The following CDC42BPA variants were observed in gnomAD, a reference collection of about 807,000 sequenced individuals.
The protein encoded by CDC42BPA is serine/threonine-protein kinase MRCK alpha.
CDC42BPA carries 80 observed loss-of-function variants against 223.5 expected under a neutral mutation model. The ratio of observed to expected loss-of-function variants is 0.36; its 90% CI spans 0.30 to 0.43. The LOEUF is 0.43. Ranked by LOEUF, CDC42BPA falls within the 20% of genes least tolerant of loss-of-function variation. The pLI, the probability that CDC42BPA is intolerant of heterozygous loss-of-function variation, is 1.00. For missense variants in CDC42BPA, 1,743 were observed against 2,099.9 expected, an observed-to-expected ratio of 0.83 and a Z score of 3.32; for synonymous variants, 694 against 718.6, an observed-to-expected ratio of 0.97 and a Z score of 0.55.
At chr1:227,007,019 G>T (rs78862335) in intron 34 of CDC42BPA, among the ~76,000 whole-genome samples, 21,518 of 151,992 alleles carry the variant, frequency 0.14, 1,949 homozygotes, top group South Asian at 0.36. Context: ...TTGGTGGTGG[G>T]GGGATCACAA....
intron 34 of CDC42BPA, among the ~76,000 whole-genome samples, chr1:227,011,263 ATTC>A (rs1371084839): frequency 6.6e-6 from 1 of 152,224 alleles, no homozygotes; most frequent in African/African-American, 2.4e-5. Flanking sequence ...GCAAAAGATC[ATTC>A]TTTTTTATAA....
At chr1:227,155,109 C>T (rs994359819) in intron 6 of CDC42BPA, among the ~76,000 whole-genome samples, 1 of 152,094 alleles carries the variant, frequency 6.6e-6, no homozygotes, top group Non-Finnish European at 1.5e-5. Flanking sequence ...TTTGAGGCAG[C>T]TGTCCAGATA....
intron 1 of CDC42BPA, among the ~76,000 whole-genome samples, chr1:227,290,383 C>A (rs1470710527): frequency 1.3e-5 from 2 of 152,170 alleles, no homozygotes; most frequent in Non-Finnish European, 2.9e-5. Context: ...AGGGAAGGAA[C>A]CACATGTTGT....
At chr1:227,152,939 T>C (rs9887962) in intron 6 of CDC42BPA, among the ~76,000 whole-genome samples, 31,217 of 151,938 alleles carry the variant, frequency 0.21, 3,302 homozygotes, top group East Asian at 0.26. Context: ...CAATTAAATA[T>C]ATCCTCATGC....
chr1:227,267,105 C>T (rs1685132009), intron 1 of CDC42BPA, among the ~76,000 whole-genome samples: 1 of 152,106 alleles, frequency 6.6e-6, no homozygotes, highest in Non-Finnish European at 1.5e-5. Context: ...TCTAACATAT[C>T]ACAAAAAGTT....
At chr1:227,021,782 G>A (rs1296997009) in intron 32 of CDC42BPA, among the ~76,000 whole-genome samples, 1 of 152,066 alleles carries the variant, frequency 6.6e-6, no homozygotes, top group African/African-American at 2.4e-5. Flanking sequence ...CACTTTGAGA[G>A]GCCAAGGTGG....
At chr1:227,248,273 G>T (rs1480179507) in intron 2 of CDC42BPA, among the ~76,000 whole-genome samples, 8 of 152,048 alleles carry the variant, frequency 5.3e-5, no homozygotes, top group Non-Finnish European at 1.2e-4. Flanking sequence ...ACAAGAGAAA[G>T]AATGAAAGGT....
At chr1:227,069,192 T>C (rs1677744023) in intron 21 of CDC42BPA, 1 of 152,114 alleles carries the variant, frequency 6.6e-6, no homozygotes, top group Non-Finnish European at 1.5e-5. Flanking sequence ...CACACTTAAA[T>C]TTACTGAGAC....
At chr1:227,026,589 T>G (rs760212844) in intron 30 of CDC42BPA, among the ~76,000 whole-genome samples, 26 of 152,142 alleles carry the variant, frequency 1.7e-4, no homozygotes, top group Non-Finnish European at 2.9e-4. Context: ...ATGAATAGGG[T>G]AGATGCTCAA....
intron 2 of CDC42BPA, among the ~76,000 whole-genome samples, chr1:227,217,438 A>T (rs575553693): frequency 2.1e-4 from 31 of 146,788 alleles, no homozygotes; most frequent in African/African-American, 7.5e-4. Flanking sequence ...AGTGAGTGAG[A>T]CTCTGTCTCA....
At chr1:227,084,671 C>T (rs1251429304) in intron 16 of CDC42BPA, among the ~76,000 whole-genome samples, 1 of 151,766 alleles carries the variant, frequency 6.6e-6, no homozygotes, top group Non-Finnish European at 1.5e-5. Context: ...TGTAGAGATA[C>T]CGTGCTAGTT....
At position 227,263,866 on chromosome 1, in the gene CDC42BPA, G is replaced by A. The variant is rs1453565647; in HGVS notation, c.179-9711C>T. On this transcript the variant is annotated intron_variant, in intron 1 of 36. Coordinates refer to ENST00000366766, the MANE Select transcript of CDC42BPA (RefSeq NM_001394014.1). ...CAAAGTGCTGGGACTACAGGCATGAGCCACCGTGCCCAGCCAAGAATCAAA... is the reference window on the plus strand; with the variant it reads ...CAAAGTGCTGGGACTACAGGCATGAACCACCGTGCCCAGCCAAGAATCAAA... 6.6e-5 allele frequency among the ~76,000 whole-genome samples: 10 copies of A among 152,292 alleles called. No individual in the cohort carries two copies. In the South Asian group the frequency reaches 1.9e-3, roughly 28 times the overall value.
chr1:227,073,742 G>A lies in CDC42BPA; in HGVS notation c.2735+122C>T. ...AGCATCTAGTTATTTTCAAATCTTT[G>A]TAACATATTTGGCCATCATTTTTCT... On this transcript the variant is annotated intron_variant, in intron 19 of 36. Coordinates refer to ENST00000366766, the MANE Select transcript of CDC42BPA (RefSeq NM_001394014.1). The A allele has an allele frequency of 4.2e-6, 3 of 712,532 alleles. No individual in the cohort carries two copies. The South Asian group carries it at 6.4e-5, about 15-fold the overall frequency. 44.1% of individuals were successfully genotyped at this position (712,532 alleles called of 1,614,324 possible). A position where few individuals can be genotyped will look rare whatever the true frequency, so the allele number is the denominator to read the frequency against.
intron 12 of CDC42BPA, among the ~76,000 whole-genome samples, chr1:227,116,135 T>C (rs1021699732): frequency 6.6e-6 from 1 of 152,186 alleles, no homozygotes; most frequent in South Asian, 2.1e-4. Flanking sequence ...TAATTTAATA[T>C]ATGTAAAGCA....
intron 2 of CDC42BPA, among the ~76,000 whole-genome samples, chr1:227,251,652 T>C (rs905678560): frequency 6.6e-6 from 1 of 152,088 alleles, no homozygotes; most frequent in Non-Finnish European, 1.5e-5. Flanking sequence ...CACTCCATAA[T>C]AGCGAATGAG....
intron 1 of CDC42BPA, among the ~76,000 whole-genome samples, chr1:227,257,972 C>T (rs1294208395): frequency 1.3e-5 from 2 of 150,416 alleles, no homozygotes; most frequent in Non-Finnish European, 2.9e-5. Flanking sequence ...GAGTTCAAGA[C>T]CAGCGTGGGC....
intron 34 of CDC42BPA, among the ~76,000 whole-genome samples, chr1:227,011,457 A>G (rs1485302015): frequency 6.6e-6 from 1 of 152,204 alleles, no homozygotes; most frequent in Non-Finnish European, 1.5e-5. Context: ...TGAACCTACA[A>G]CAGCTTCTAA....
intron 5 of CDC42BPA, among the ~76,000 whole-genome samples, chr1:227,191,778 T>C (rs1669752258): frequency 6.6e-6 from 1 of 152,158 alleles, no homozygotes; most frequent in Non-Finnish European, 1.5e-5. Context: ...AATAGCACTT[T>C]CGTTTCTCAT....
At chr1:227,140,348 G>A (rs1258277800) in intron 9 of CDC42BPA, among the ~76,000 whole-genome samples, 3 of 152,052 alleles carry the variant, frequency 2.0e-5, no homozygotes, top group Non-Finnish European at 4.4e-5. Flanking sequence ...AGGAAAGGGA[G>A]AAATAAAGTA....
Sources: gnomAD v4.1 joint callset for allele counts (sites outside exome capture counted in the v4.1 genomes callset) on GRCh38, gnomAD v4.1.1 for gene constraint, MANE v1.5 for transcripts, NCBI Gene and HGNC (gene_info 2026-07-23, HGNC 2026-07-21) for gene names.